The following RRP12 variants were observed in gnomAD, a reference collection of about 807,000 sequenced individuals.
RRP12 encodes ribosomal RNA processing 12 homolog.
RRP12 carries 78 observed loss-of-function variants against 157.3 expected under a neutral mutation model. The observed-to-expected ratio is 0.50, with a 90% confidence interval of 0.41 to 0.60. The LOEUF (loss-of-function observed/expected upper bound fraction) is 0.60, where lower values mean the gene tolerates loss of function less well. RRP12 is among the 20% of genes least tolerant of loss of function. The pLI is 0.00. For missense variants in RRP12, 1,521 were observed against 1,679.9 expected (o/e 0.91, Z 1.65); for synonymous variants, 726 against 670.9 (o/e 1.08, Z -1.27).
At chr10:97,363,511 C>T (rs1356737785) in intron 30 of RRP12, among the ~76,000 whole-genome samples, 2 of 152,172 alleles carry the variant, frequency 1.3e-5, no homozygotes, top group African/African-American at 4.8e-5. Context: ...CTATGTGGGG[C>T]CCTCAGCACA....
Position 97,400,524 on chromosome 10 carries a change from G to C in RRP12, c.150C>G (p.Asp50Glu). 6 of 1,613,514 alleles carry C rather than the reference G, an allele frequency of 3.7e-6. No homozygotes were observed. Among genetic ancestry groups the C allele is most frequent in the Non-Finnish European group, 5.1e-6 (6 of 1,179,798 alleles). The change falls in exon 2 of 34, where the codon GAC becomes GAG. Residue 50 changes from aspartate to glutamate, a missense_variant. By Grantham distance (45) the Asp-to-Glu change is conservative. Coordinates refer to ENST00000370992, the MANE Select transcript of RRP12 (RefSeq NM_015179.4). ...RFFSRPSGRS[D>E]LTVDAVKLHN... ...GTAACTTCACAGCATCGACTGTCAGGTCACTCCTTCCTGAGAGCCAGAGGC... is the reference window on the plus strand; with the variant it reads ...GTAACTTCACAGCATCGACTGTCAGCTCACTCCTTCCTGAGAGCCAGAGGC...
intron 33 of RRP12, 26 bp from the exon 34 acceptor site, chr10:97,357,222 C>A: frequency 6.8e-7 from 1 of 1,473,126 alleles, no homozygotes; most frequent in South Asian, 1.2e-5. Flanking sequence ...ACGGAAGGGT[C>A]ACATCTGGCT....
chr10:97,357,225 A>C, intron 33 of RRP12, 29 bp from the exon 34 acceptor site: 2 of 1,464,126 alleles, frequency 1.4e-6, no homozygotes, highest in Admixed American at 1.8e-5. Context: ...GAAGGGTCAC[A>C]TCTGGCTGAG....
Position 97,371,014 on chromosome 10 carries a change from C to T in RRP12, c.2411G>A (p.Gly804Asp). The stretch of plus-strand genomic sequence containing the variant: ...GCTCTGCACGAAGAGGGCCCCGGGG[C>T]CCTGAGGACTGGCACACACCTCCTC... ...VLEEVCASPQ[G>D]PGALFVQSHL... The change falls in exon 21 of 34, where the codon GGC becomes GAC. Residue 804 changes from glycine (G) to aspartate (D), a missense_variant. Transcript: ENST00000370992. 1 of 1,613,934 alleles carries T rather than the reference C, an allele frequency of 6.2e-7. No individual in the cohort carries two copies. The highest frequency in any genetic ancestry group is 8.5e-7 in the Non-Finnish European group (1 of 1,179,972).
intron 29 of RRP12, among the ~76,000 whole-genome samples, chr10:97,365,140 G>A (rs958278926): frequency 6.6e-6 from 1 of 152,110 alleles, no homozygotes; most frequent in African/African-American, 2.4e-5. Context: ...GGCTGCAGTC[G>A]TGTGGCTGGT....
At chr10:97,371,109 C>G in intron 20 of RRP12, 28 bp from the exon 21 acceptor site, 2 of 1,609,390 alleles carry the variant, frequency 1.2e-6, no homozygotes, top group Non-Finnish European at 1.7e-6. Context: ...GTGAGGGAGG[C>G]CTGGGGCTCA....
intron 33 of RRP12, among the ~76,000 whole-genome samples, chr10:97,358,190 G>T (rs1445569506): frequency 1.3e-5 from 2 of 151,856 alleles, no homozygotes; most frequent in Non-Finnish European, 2.9e-5. Flanking sequence ...AAAATTAGCT[G>T]GGCATGGTGG....
At chr10:97,358,453 TA>T in intron 33 of RRP12, 83 bp downstream of exon 33, 1 of 992,796 alleles carries the variant, frequency 1.0e-6, no homozygotes. Flanking sequence ...GAGAGTTTAA[TA>T]AGGCCTTCCC....
At chr10:97,361,170 A>G (rs1179154799) in intron 30 of RRP12, among the ~76,000 whole-genome samples, 1 of 152,196 alleles carries the variant, frequency 6.6e-6, no homozygotes, top group Non-Finnish European at 1.5e-5. Flanking sequence ...CTGATCCTCA[A>G]CAATGCTACC....
Position 97,379,163 on chromosome 10 carries a change from C to T in RRP12, c.1798+130G>A, listed in dbSNP as rs976534147. The T allele has an allele frequency of 8.0e-6, 9 of 1,118,926 alleles. No individual in the cohort carries two copies. The African/African-American group carries it at 1.1e-4, about 13-fold the overall frequency. The allele number at this position is 1,118,926 out of a possible 1,614,324, so 69.3% of individuals were successfully genotyped here. ...CTCCAGCACTGGCTGGCCACCTGCTCGGCAGAGGGATGTTGCCAAACGTCT... is the reference window on the plus strand; with the variant it reads ...CTCCAGCACTGGCTGGCCACCTGCTTGGCAGAGGGATGTTGCCAAACGTCT... On this transcript the variant is annotated intron_variant, in intron 15 of 33. Coordinates refer to ENST00000370992, the MANE Select transcript of RRP12 (RefSeq NM_015179.4).
At chr10:97,365,637 A>C (rs2133037038) in intron 29 of RRP12, among the ~76,000 whole-genome samples, 1 of 151,826 alleles carries the variant, frequency 6.6e-6, no homozygotes, top group East Asian at 2.0e-4. Context: ...GACTAAAGAG[A>C]GCTCCGAGAT....
chr10:97,386,192 T>C (rs1185653900), intron 8 of RRP12, among the ~76,000 whole-genome samples, 199 bp from the exon 9 acceptor site: 2 of 151,026 alleles, frequency 1.3e-5, no homozygotes, highest in Admixed American at 6.6e-5. Context: ...TAAACAAAGA[T>C]AGAAACATTA....
intron 24 of RRP12, 149 bp from the exon 25 acceptor site, chr10:97,369,731 T>C (rs1844090005): frequency 2.4e-6 from 2 of 829,938 alleles, no homozygotes; most frequent in South Asian, 1.8e-5. Context: ...TCACGCTCCA[T>C]GGAGTGGTCT....
intron 8 of RRP12, among the ~76,000 whole-genome samples, chr10:97,386,501 A>C (rs900445485): frequency 2.0e-5 from 3 of 152,100 alleles, no homozygotes; most frequent in African/African-American, 7.2e-5. Context: ...TTTATCATGT[A>C]TATTTGTTTA....
intron 23 of RRP12, 73 bp from the exon 24 acceptor site, chr10:97,370,347 C>T: frequency 7.3e-7 from 1 of 1,370,412 alleles, no homozygotes; most frequent in Non-Finnish European, 1.0e-6. Flanking sequence ...CAGAGAGGAG[C>T]AGCCTGCCCA....
rs761404174 is a variant in RRP12 at position 97,366,801 on chromosome 10, G to A, written c.3156C>T (p.Ala1052=). ...AKRHRALSQA[A]VEEEEEEEEE... is the part of the protein sequence containing the mutation. ...CCTCCTCCTCTTCTTCCTCCTCCAC[G>A]GCAGCCTGGCTCAGGGCTCGGTGCC... is the stretch of plus-strand genomic sequence containing the variant. Residue 1052 remains alanine (A), a synonymous_variant, in exon 27 of 34, where the codon GCC becomes GCT. Coordinates refer to ENST00000370992, the MANE Select transcript of RRP12 (RefSeq NM_015179.4). 25 of 1,613,970 alleles carry A rather than the reference G, an allele frequency of 1.5e-5. No homozygotes were observed. The highest frequency in any genetic ancestry group is 6.7e-5 in the East Asian group (3 of 44,758).
intron 3 of RRP12, among the ~76,000 whole-genome samples, chr10:97,394,732 G>GC (rs1438267179): frequency 2.6e-5 from 4 of 152,178 alleles, no homozygotes; most frequent in Non-Finnish European, 5.9e-5. Flanking sequence ...TTATTCTAGA[G>GC]CAGAGGTTGG....
rs748847718 is a variant in RRP12 at position 97,370,538 on chromosome 10, ACCT to A, written c.2603_2605del (p.Glu868del). The A allele has an allele frequency of 3.1e-6, 5 of 1,610,546 alleles. No homozygotes were observed. Among genetic ancestry groups the A allele is most frequent in the South Asian group, 1.1e-5 (1 of 90,924 alleles). ...AGCGTTCTTCCGTGCGCCCACCGAC[ACCT>A]CCTTGGTGCACAGGATCACCTGGCC... On this transcript the variant is annotated inframe_deletion, in exon 23 of 34. Coordinates refer to ENST00000370992, the MANE Select transcript of RRP12 (RefSeq NM_015179.4).
intron 30 of RRP12, among the ~76,000 whole-genome samples, chr10:97,362,125 G>T (rs1222486698): frequency 2.1e-5 from 3 of 144,856 alleles, no homozygotes; most frequent in East Asian, 2.0e-4. Flanking sequence ...AAAAAAAAAA[G>T]AGTTAGAACT....
Sources: allele counts gnomAD v4.1 joint callset (sites outside exome capture counted in the v4.1 genomes callset), GRCh38; gene constraint gnomAD v4.1.1; transcripts MANE v1.5; gene names NCBI Gene and HGNC (gene_info 2026-07-23, HGNC 2026-07-21).